Variants in BSND observed in about 807,000 individuals in gnomAD.
BSND encodes barttin.
In BSND, 13 loss-of-function variants were observed where a neutral mutation model predicts 18.8. The observed-to-expected ratio is 0.69, with a 90% confidence interval of 0.45 to 1.10. BSND has a LOEUF of 1.10. BSND is among the 50% of genes least tolerant of loss of function. The pLI is 0.00. For missense variants in BSND, 379 were observed against 416.7 expected, an observed-to-expected ratio of 0.91 and a Z score of 0.79; for synonymous variants, 170 against 161.8, an observed-to-expected ratio of 1.05 and a Z score of -0.39.
In BSND at chr1:55,014,671, G is replaced by A. The variant is rs145655373; in HGVS notation, c.*6043G>A. The stretch of plus-strand genomic sequence containing the variant: ...TGTCAATGGACCCAGCTGGGCTGGT[G>A]GCATCAGACTCTCCTGGGAAACTTT... On this transcript the variant is annotated 3_prime_UTR_variant, in exon 4 of 4. Coordinates refer to ENST00000651561, the MANE Select transcript of BSND (RefSeq NM_057176.3). Among the ~76,000 whole-genome samples the A allele has an allele frequency of 1.0e-3, 154 of 152,298 alleles. No individual in the cohort carries two copies. Among genetic ancestry groups the A allele is most frequent in the Admixed American group, 1.8e-3 (27 of 15,304 alleles).
Position 55,013,323 on chromosome 1 carries a change from C to A in BSND, c.*4695C>A, listed in dbSNP as rs1644431906. Among the ~76,000 whole-genome samples the A allele has an allele frequency of 6.6e-6, 1 of 152,130 alleles. No homozygotes were observed. Among genetic ancestry groups the A allele is most frequent in the Non-Finnish European group, 1.5e-5 (1 of 68,032 alleles). ...GGATTACAGGCGCCTGCCACCACAC[C>A]CAGCTAATTTTGTATTTTTAATAGA... On this transcript the variant is annotated 3_prime_UTR_variant, in exon 4 of 4. Coordinates refer to ENST00000651561, the MANE Select transcript of BSND (RefSeq NM_057176.3).
In BSND at chr1:55,013,401, G is replaced by C. The variant is rs990460035; in HGVS notation, c.*4773G>C. Among the ~76,000 whole-genome samples, 1 of 152,132 alleles carries C rather than the reference G, an allele frequency of 6.6e-6. No homozygotes were observed. The highest frequency in any genetic ancestry group is 1.5e-5 in the Non-Finnish European group (1 of 68,036). On this transcript the variant is annotated 3_prime_UTR_variant, in exon 4 of 4. Coordinates refer to ENST00000651561, the MANE Select transcript of BSND (RefSeq NM_057176.3). ...TGGTCTTGTACCCCTGACCTCAGAT[G>C]ATCTACCCGCCTCAGCCTCCCAAAG...
At chr1:55,004,222 CCATT>C (rs1452392948) in intron 1 of BSND, among the ~76,000 whole-genome samples, 1 of 152,232 alleles carries the variant, frequency 6.6e-6, no homozygotes, top group Non-Finnish European at 1.5e-5. Flanking sequence ...TTTTGTTTAT[CCATT>C]CATTCATCAG....
At chr1:55,001,790 T>A (rs940437830) in intron 1 of BSND, among the ~76,000 whole-genome samples, 1 of 151,764 alleles carries the variant, frequency 6.6e-6, no homozygotes, top group Non-Finnish European at 1.5e-5. Flanking sequence ...AGATAAGAGT[T>A]CACCAAGCAG....
rs1252314837 is a variant in BSND, at chr1:55,010,456, A to C, written c.*1828A>C. 6.6e-6 allele frequency: 1 copy of C among 152,324 alleles called. No homozygotes were observed. The highest frequency in any genetic ancestry group is 2.1e-4 in the South Asian group (1 of 4,826). 9.4% of individuals were successfully genotyped at this position (152,324 alleles called of 1,614,324 possible). ...GAGAAAATGGCAGTAACACTACCTC[A>C]AACCAGGACCACGCCCTCAGAGCCT... On this transcript the variant is annotated 3_prime_UTR_variant, in exon 4 of 4. Coordinates refer to ENST00000651561, the MANE Select transcript of BSND (RefSeq NM_057176.3).
chr1:55,017,158 ATTG>A lies in BSND; in HGVS notation c.*8536_*8538del, dbSNP rs1364526113. Among the ~76,000 whole-genome samples the A allele has an allele frequency of 3.9e-5, 6 of 152,294 alleles. No individual in the cohort carries two copies. Among genetic ancestry groups the A allele is most frequent in the Middle Eastern group, 6.8e-3 (2 of 294 alleles). On this transcript the variant is annotated 3_prime_UTR_variant, in exon 4 of 4. Coordinates refer to ENST00000651561, the MANE Select transcript of BSND (RefSeq NM_057176.3). The stretch of plus-strand genomic sequence containing the variant: ...CTGGAACACAGTATCCTCTCAATAA[ATTG>A]TTGTTAAATGAGTGAGTGAGTCTAT...
At position 54,999,104 on chromosome 1, in the gene BSND, T is replaced by G; in HGVS notation, c.-83T>G. 1 of 1,550,074 alleles carries G rather than the reference T, an allele frequency of 6.5e-7. No individual in the cohort carries two copies. ...GCGATTTCAGTGTCTTCTCTCCCTG[T>G]GTAAGCCTGTCTCGGTGTTTAGGCT... On this transcript the variant is annotated 5_prime_UTR_variant, in exon 1 of 4. Coordinates refer to ENST00000651561, the MANE Select transcript of BSND (RefSeq NM_057176.3).
intron 2 of BSND, among the ~76,000 whole-genome samples, chr1:55,005,766 G>C (rs996561358): frequency 6.6e-6 from 1 of 152,224 alleles, no homozygotes; most frequent in Non-Finnish European, 1.5e-5. Context: ...TAAGGTGGGG[G>C]TGTTAGGCTC....
Position 55,013,754 on chromosome 1 carries a change from A to T in BSND, c.*5126A>T, listed in dbSNP as rs772256071. Among the ~76,000 whole-genome samples the T allele has an allele frequency of 6.6e-6, 1 of 152,080 alleles. No homozygotes were observed. The highest frequency in any genetic ancestry group is 1.5e-5 in the Non-Finnish European group (1 of 68,014). On this transcript the variant is annotated 3_prime_UTR_variant, in exon 4 of 4. Coordinates refer to ENST00000651561, the MANE Select transcript of BSND (RefSeq NM_057176.3). ...CTATTGCCCACAAGATAAAATTCAG[A>T]TTCCTCAGGCTGGCATTTGAGGCCC...
At position 55,011,999 on chromosome 1, in the gene BSND, A is replaced by G. The variant is rs762850009; in HGVS notation, c.*3371A>G. Among the ~76,000 whole-genome samples, 3 of 152,084 alleles carry G rather than the reference A, an allele frequency of 2.0e-5. No individual in the cohort carries two copies. Among genetic ancestry groups the G allele is most frequent in the African/African-American group, 4.8e-5 (2 of 41,408 alleles). On this transcript the variant is annotated 3_prime_UTR_variant, in exon 4 of 4. Coordinates refer to ENST00000651561, the MANE Select transcript of BSND (RefSeq NM_057176.3). Reference sequence around the variant, plus strand: ...GCTCCAGGTGTGTGTGCCAGGGTGAAAATTCCTGCTCTTGGTCACTCTCCT... The same window carrying G: ...GCTCCAGGTGTGTGTGCCAGGGTGAGAATTCCTGCTCTTGGTCACTCTCCT...
chr1:55,006,079 G>A (rs150960778), intron 2 of BSND, among the ~76,000 whole-genome samples: 3 of 152,378 alleles, frequency 2.0e-5, no homozygotes, highest in East Asian at 1.9e-4. Context: ...TTCAAGCCCA[G>A]AGTCTGTCGG....
Position 55,009,085 on chromosome 1 carries a change from G to T in BSND, c.*457G>T. ...CCTCCTGGGCCACATTCCTCCTGCA[G>T]CTCCCATCGCTCCTTGGCCAGGACC... On this transcript the variant is annotated 3_prime_UTR_variant, in exon 4 of 4. Transcript: ENST00000651561. The T allele has an allele frequency of 4.3e-6, 1 of 230,684 alleles. No homozygotes were observed. Among genetic ancestry groups the T allele is most frequent in the Non-Finnish European group, 8.6e-6 (1 of 116,386 alleles). 14.3% of individuals were successfully genotyped at this position (230,684 alleles called of 1,614,324 possible). A position where few individuals can be genotyped will look rare whatever the true frequency, so the allele number is the denominator to read the frequency against.
At chr1:55,003,483 CA>C (rs1464170809) in intron 1 of BSND, among the ~76,000 whole-genome samples, 22 of 152,306 alleles carry the variant, frequency 1.4e-4, no homozygotes, top group Admixed American at 3.9e-4. Flanking sequence ...AGAGAAAGCG[CA>C]CTCCTCATAG....
rs1241739890 is a variant in BSND at position 55,011,970 on chromosome 1, CCA to C, written c.*3343_*3344del. 5.3e-5 allele frequency among the ~76,000 whole-genome samples: 8 copies of C among 152,286 alleles called. No homozygotes were observed. The highest frequency in any genetic ancestry group is 1.9e-4 in the African/African-American group (8 of 41,552). On this transcript the variant is annotated 3_prime_UTR_variant, in exon 4 of 4. Coordinates refer to ENST00000651561, the MANE Select transcript of BSND (RefSeq NM_057176.3). ...AAGCCTGGGATTCTAGCGTTCAGCT[CCA>C]GGCTCCAGGTGTGTGTGCCAGGGTG...
chr1:55,015,947 G>A lies in BSND; in HGVS notation c.*7319G>A, dbSNP rs1372333390. Among the ~76,000 whole-genome samples the A allele has an allele frequency of 7.2e-5, 11 of 152,238 alleles. No individual in the cohort carries two copies. The highest frequency in any genetic ancestry group is 4.6e-4 in the Admixed American group (7 of 15,290). On this transcript the variant is annotated 3_prime_UTR_variant, in exon 4 of 4. Coordinates refer to ENST00000651561, the MANE Select transcript of BSND (RefSeq NM_057176.3). Reference sequence around the variant, plus strand: ...CAGCTTGGGCGAAGCCTCCAGCCCTGAGCCACCCCACCACGTTCCAGGATT... The same window carrying A: ...CAGCTTGGGCGAAGCCTCCAGCCCTAAGCCACCCCACCACGTTCCAGGATT...
chr1:55,007,255 A>G lies in BSND; in HGVS notation c.531A>G (p.Leu177=), dbSNP rs1446633382. The G allele has an allele frequency of 1.9e-6, 3 of 1,608,078 alleles. No homozygotes were observed. In the African/African-American group the frequency reaches 4.0e-5, roughly 22 times the overall value. ...GSDESEGERR[L]TQSWPGPLAC... is the part of the protein sequence containing the mutation. ...ACGAGAGTGAAGGGGAAAGACGCCTAACTCAGAGCTGGCCCGGGTGAGTGC... is the reference window on the plus strand; with the variant it reads ...ACGAGAGTGAAGGGGAAAGACGCCTGACTCAGAGCTGGCCCGGGTGAGTGC... Residue 177 remains leucine, a synonymous_variant, in exon 3 of 4, where the codon CTA becomes CTG. Transcript: ENST00000651561.
At position 55,008,320 on chromosome 1, in the gene BSND, G is replaced by A; in HGVS notation, c.655G>A (p.Glu219Lys). 6 of 1,614,230 alleles carry A rather than the reference G, an allele frequency of 3.7e-6. No homozygotes were observed. The highest frequency in any genetic ancestry group is 5.1e-6 in the Non-Finnish European group (6 of 1,180,040). Residue 219 changes from glutamate to lysine, a missense_variant, in exon 4 of 4, where the codon GAG becomes AAG. By Grantham distance (56) the Glu-to-Lys change is moderately conservative. Transcript: ENST00000651561. Reference protein sequence around the residue: ...SSPNASPHDREEACSPQQEPQ... With the variant: ...SSPNASPHDRKEACSPQQEPQ... ...CCCCAATGCATCTCCACATGACAGG[G>A]AGGAAGCTTGTTCCCCACAACAGGA...
rs1644454336 is a variant in BSND at position 55,016,922 on chromosome 1, A to G, written c.*8294A>G. ...AGGGACAGATACACGGCCATTCAAA[A>G]CAGTGACCCTCCTGATTGAATCAAA... On this transcript the variant is annotated 3_prime_UTR_variant, in exon 4 of 4. Coordinates refer to ENST00000651561, the MANE Select transcript of BSND (RefSeq NM_057176.3). Among the ~76,000 whole-genome samples, 1 of 152,218 alleles carries G rather than the reference A, an allele frequency of 6.6e-6. No individual in the cohort carries two copies. Among genetic ancestry groups the G allele is most frequent in the South Asian group, 2.1e-4 (1 of 4,830 alleles).
chr1:55,007,077 A>G lies in BSND; in HGVS notation c.353A>G (p.Gln118Arg), dbSNP rs746487489. The change falls in exon 3 of 4, where the codon CAG (glutamine) becomes CGG (arginine). Residue 118 changes from glutamine (Q) to arginine (R), a missense_variant. By Grantham distance (43) the Gln-to-Arg change is conservative (BLOSUM62 1). Transcript: ENST00000651561. ...AGCCTGCCTGACTTCAGCCACATCC[A>G]GATGAAAGTCATGAGCTACAGTGAG... ...DQSLPDFSHI[Q>R]MKVMSYSEDH... 16 of 1,614,092 alleles carry G rather than the reference A, an allele frequency of 9.9e-6. 1 individual carries two copies. In the Admixed American group the frequency reaches 2.2e-4, roughly 22 times the overall value.
Sources: gnomAD v4.1 joint callset for allele counts (sites outside exome capture counted in the v4.1 genomes callset) on GRCh38, gnomAD v4.1.1 for gene constraint, MANE v1.5 for transcripts, NCBI Gene and HGNC (gene_info 2026-07-23, HGNC 2026-07-21) for gene names.